The following FSTL4 variants were observed in gnomAD, a reference collection of about 807,000 sequenced individuals.
FSTL4 encodes follistatin-related protein 4.
A neutral mutation model predicts 78.2 loss-of-function variants in FSTL4; 28 were observed. The ratio of observed to expected loss-of-function variants is 0.36; its 90% confidence interval spans 0.27 to 0.49. The LOEUF (loss-of-function observed/expected upper bound fraction) is 0.49. Ranked by LOEUF, FSTL4 falls within the 20% of genes least tolerant of loss-of-function variation. The pLI is 0.98. For missense variants in FSTL4, 922 were observed against 1,084.9 expected (o/e 0.85, Z 2.11); for synonymous variants, 422 against 440.5 (o/e 0.96, Z 0.53).
At chr5:133,562,906 C>T (rs964964078) in intron 3 of FSTL4, among the ~76,000 whole-genome samples, 6 of 152,188 alleles carry the variant, frequency 3.9e-5, no homozygotes, top group Non-Finnish European at 8.8e-5. Flanking sequence ...TGAATTTTGG[C>T]AGTCGCAATC....
At chr5:133,321,200 C>G (rs1435104525) in intron 4 of FSTL4, among the ~76,000 whole-genome samples, 1 of 152,138 alleles carries the variant, frequency 6.6e-6, no homozygotes, top group African/African-American at 2.4e-5. Flanking sequence ...TGGGCATGCT[C>G]CTGCCCAGGG....
the FSTL4 span, among the ~76,000 whole-genome samples, chr5:133,798,279 T>C: frequency 2.6e-5 from 4 of 152,172 alleles, no homozygotes; most frequent in African/African-American, 4.8e-5. Flanking sequence ...TTCTAGAGGT[T>C]TGGAATGTTA....
chr5:133,563,790 T>C (rs1208282654), intron 3 of FSTL4, among the ~76,000 whole-genome samples: 2 of 152,198 alleles, frequency 1.3e-5, no homozygotes, highest in South Asian at 2.1e-4. Context: ...ATGCTGCATA[T>C]TACATTCCCT....
Position 133,224,230 on chromosome 5 carries a change from G to A in FSTL4, c.1313-14C>T, listed in dbSNP as rs564724884. ...GGATGTTTGCAACTGCAGCAGCAGA[G>A]AATGAGGAAAGCAGGAGTGTGATGG... On this transcript the variant is annotated splice_polypyrimidine_tract_variant and intron_variant, in intron 10 of 15. Transcript: ENST00000265342. The A allele has an allele frequency of 4.3e-6, 7 of 1,610,164 alleles. No homozygotes were observed. In the South Asian group the frequency reaches 5.5e-5, roughly 13 times the overall value.
intron 3 of FSTL4, among the ~76,000 whole-genome samples, chr5:133,403,707 G>A (rs537750895): frequency 1.3e-5 from 2 of 152,180 alleles, no homozygotes; most frequent in African/African-American, 2.4e-5. Context: ...ATGGATGTCC[G>A]TGGAGGTGGG....
At chr5:133,730,140 G>C in the FSTL4 span, among the ~76,000 whole-genome samples, 647 of 152,296 alleles carry the variant, frequency 4.2e-3, 7 homozygotes, top group African/African-American at 0.015. Flanking sequence ...TTTTGGACTT[G>C]ATTTCCCATA....
chr5:133,589,257 G>C (rs1183516760), intron 2 of FSTL4, among the ~76,000 whole-genome samples: 10 of 66,794 alleles, frequency 1.5e-4, no homozygotes, highest in African/African-American at 4.7e-4. Context: ...TGCACAATGT[G>C]CACATGTACC....
At chr5:133,497,482 A>T (rs1245060526) in intron 3 of FSTL4, among the ~76,000 whole-genome samples, 1 of 152,158 alleles carries the variant, frequency 6.6e-6, no homozygotes, top group Non-Finnish European at 1.5e-5. Context: ...GAGGGGCAGG[A>T]GAAGCCTCTG....
At chr5:133,268,252 A>G (rs932664857) in intron 6 of FSTL4, among the ~76,000 whole-genome samples, 2 of 152,092 alleles carry the variant, frequency 1.3e-5, no homozygotes, top group East Asian at 1.9e-4. Context: ...AGCTTCATCT[A>G]TTGTCGCCCA....
the FSTL4 span, among the ~76,000 whole-genome samples, chr5:133,815,610 A>G: frequency 2.0e-5 from 3 of 152,218 alleles, no homozygotes; most frequent in Non-Finnish European, 2.9e-5. Context: ...ACCTGGGGGA[A>G]TCTGGTTTCA....
At chr5:133,526,166 C>G (rs1381436581) in intron 3 of FSTL4, among the ~76,000 whole-genome samples, 1 of 152,172 alleles carries the variant, frequency 6.6e-6, no homozygotes, top group Non-Finnish European at 1.5e-5. Flanking sequence ...ATTGGACATA[C>G]TAAATGCCAT....
chr5:133,231,698 A>G (rs1245991593), intron 8 of FSTL4, among the ~76,000 whole-genome samples: 2 of 152,088 alleles, frequency 1.3e-5, no homozygotes, highest in Non-Finnish European at 2.9e-5. Flanking sequence ...ACGTGCCACC[A>G]CACATGGCTA....
chr5:133,349,037 A>G (rs1352630979), intron 4 of FSTL4, among the ~76,000 whole-genome samples: 1 of 152,134 alleles, frequency 6.6e-6, no homozygotes, highest in African/African-American at 2.4e-5. Flanking sequence ...TGTGGTTTCT[A>G]ATCGTATTCA....
intron 3 of FSTL4, among the ~76,000 whole-genome samples, chr5:133,489,464 T>C (rs938721392): frequency 2.6e-5 from 4 of 152,206 alleles, no homozygotes; most frequent in Admixed American, 6.5e-5. Context: ...GGGGCTTCCA[T>C]TTTTCAAGTG....
chr5:133,745,759 C>G, the FSTL4 span, among the ~76,000 whole-genome samples: 43 of 152,356 alleles, frequency 2.8e-4, no homozygotes, highest in Non-Finnish European at 5.4e-4. Flanking sequence ...TTTGTTAAAA[C>G]TACGAACTGT....
chr5:133,788,929 A>G, the FSTL4 span, among the ~76,000 whole-genome samples: 1 of 152,054 alleles, frequency 6.6e-6, no homozygotes. Flanking sequence ...AGGAGAAGAA[A>G]AAATACATTA....
In FSTL4 at chr5:133,527,265, C is replaced by A. The variant is rs184736371; in HGVS notation, c.160+39921G>T. ...GGGTATATTTTAGTATAATGCTTGG[C>A]TCATGGAACCAGAGAATCAAAAATT... On this transcript the variant is annotated intron_variant, in intron 3 of 15. Coordinates refer to ENST00000265342, the MANE Select transcript of FSTL4 (RefSeq NM_015082.2). Among the ~76,000 whole-genome samples the A allele has an allele frequency of 9.2e-5, 14 of 152,318 alleles. No homozygotes were observed. In the East Asian group the frequency reaches 2.5e-3, roughly 27 times the overall value.
chr5:133,633,595 A>G, the FSTL4 span, among the ~76,000 whole-genome samples: 15 of 152,230 alleles, frequency 9.9e-5, no homozygotes, highest in Middle Eastern at 6.8e-3. Context: ...TAATTCCAAC[A>G]TCTCTGCCAT....
intron 3 of FSTL4, among the ~76,000 whole-genome samples, chr5:133,518,256 A>T (rs529113084): frequency 2.0e-5 from 3 of 152,262 alleles, no homozygotes; most frequent in Non-Finnish European, 4.4e-5. Context: ...TGAAAAGTCA[A>T]TGTCTTTAAT....
Sources: allele counts gnomAD v4.1 joint callset (sites outside exome capture counted in the v4.1 genomes callset), GRCh38; gene constraint gnomAD v4.1.1; transcripts MANE v1.5; gene names NCBI Gene and HGNC (gene_info 2026-07-23, HGNC 2026-07-21).